SORL1: variants seen among roughly 807,000 people sequenced by gnomAD.
The protein encoded by SORL1 is sortilin-related receptor.
SORL1 carries 127 observed loss-of-function variants against 273.7 expected under a neutral mutation model. That is an observed-to-expected ratio of 0.46 (90% CI 0.40 to 0.54). SORL1 has a LOEUF of 0.54. Ranked by LOEUF, SORL1 falls within the 20% of genes least tolerant of loss-of-function variation. The pLI, the probability that SORL1 is intolerant of heterozygous loss-of-function variation, is 0.00. For missense variants in SORL1, 2,494 were observed against 2,846.1 expected (o/e 0.88, Z 2.81); for synonymous variants, 1,031 against 1,067.4 (o/e 0.97, Z 0.66).
At chr11:121,544,070 G>T (rs4935776) in intron 13 of SORL1, among the ~76,000 whole-genome samples, 1 of 152,020 alleles carries the variant, frequency 6.6e-6, no homozygotes, top group African/African-American at 2.4e-5. Flanking sequence ...GTGCCTGACT[G>T]TCTGTAAGTC....
chr11:121,604,366 G>T, intron 33 of SORL1, 42 bp downstream of exon 33: 1 of 1,603,780 alleles, frequency 6.2e-7, no homozygotes. Context: ...GGGCTGGGCT[G>T]GGAGGCTCGC....
At chr11:121,579,353 C>T (rs1345426231) in intron 25 of SORL1, among the ~76,000 whole-genome samples, 1 of 152,174 alleles carries the variant, frequency 6.6e-6, no homozygotes, top group Admixed American at 6.5e-5. Context: ...TTCAGACCTA[C>T]TAAATTAAGC....
At position 121,605,018 on chromosome 11, in the gene SORL1, G is replaced by T. The variant is rs143607078; in HGVS notation, c.4652-95G>T. 3.7e-5 allele frequency: 38 copies of T among 1,034,582 alleles called. No individual in the cohort carries two copies. The East Asian group carries it at 8.7e-4, about 24-fold the overall frequency. The allele number at this position is 1,034,582 out of a possible 1,614,324, so 64.1% of individuals were successfully genotyped here. Reference sequence around the variant, plus strand: ...ACTCCTGAGCTCAGGCAATTTGCCCGCCTCGGCCTCCCAAAGTGCTAGGAT... The same window carrying T: ...ACTCCTGAGCTCAGGCAATTTGCCCTCCTCGGCCTCCCAAAGTGCTAGGAT... On this transcript the variant is annotated intron_variant, in intron 33 of 47. Coordinates refer to ENST00000260197, the MANE Select transcript of SORL1 (RefSeq NM_003105.6).
chr11:121,468,633 C>T (rs369290119), intron 1 of SORL1, among the ~76,000 whole-genome samples: 22 of 152,260 alleles, frequency 1.4e-4, no homozygotes, highest in Non-Finnish European at 2.1e-4. Flanking sequence ...ATTGGCCAGG[C>T]GGGTCTTGAA....
chr11:121,509,440 T>A (rs542811411), intron 6 of SORL1, among the ~76,000 whole-genome samples: 223 of 152,328 alleles, frequency 1.5e-3, no homozygotes, highest in Admixed American at 3.5e-3. Flanking sequence ...AAATGGAAAT[T>A]CAGGTTATTC....
At chr11:121,488,941 A>G (rs553465925) in intron 4 of SORL1, among the ~76,000 whole-genome samples, 1 of 152,174 alleles carries the variant, frequency 6.6e-6, no homozygotes, top group East Asian at 1.9e-4. Context: ...TGCCTTAGGG[A>G]GTAACCTAAG....
At chr11:121,585,231 C>A (rs1863076896) in intron 26 of SORL1, among the ~76,000 whole-genome samples, 1 of 152,126 alleles carries the variant, frequency 6.6e-6, no homozygotes, top group Admixed American at 6.5e-5. Flanking sequence ...CGCCTGTAAT[C>A]CCAGCACTTT....
At chr11:121,625,330 A>T in intron 46 of SORL1, 53 bp downstream of exon 46, 6 of 1,397,164 alleles carry the variant, frequency 4.3e-6, no homozygotes, top group Non-Finnish European at 6.0e-6. Context: ...AAATAGCAAG[A>T]ATGTCATATG....
At chr11:121,608,043 A>G (rs972270066) in intron 37 of SORL1, 61 bp from the exon 38 acceptor site, 31 of 1,442,058 alleles carry the variant, frequency 2.1e-5, no homozygotes, top group Non-Finnish European at 2.4e-5. Flanking sequence ...CAGTATTCTT[A>G]CTGTATGGTG....
intron 21 of SORL1, among the ~76,000 whole-genome samples, chr11:121,562,171 G>A (rs1188697761): frequency 2.0e-5 from 3 of 152,108 alleles, no homozygotes; most frequent in Non-Finnish European, 4.4e-5. Flanking sequence ...CAGTAGGGGT[G>A]GATGTCCTCC....
intron 18 of SORL1, 188 bp from the exon 19 acceptor site, chr11:121,557,126 G>T (rs1415016616): frequency 3.3e-6 from 2 of 597,068 alleles, no homozygotes; most frequent in Non-Finnish European, 6.0e-6. Flanking sequence ...ATTGTCCCAT[G>T]AGTCAGAGGA....
chr11:121,572,010 G>A (rs1003898319), intron 23 of SORL1, among the ~76,000 whole-genome samples: 2 of 152,234 alleles, frequency 1.3e-5, no homozygotes, highest in Non-Finnish European at 2.9e-5. Context: ...ATGGAAAGGA[G>A]TTTATTACAT....
At chr11:121,477,632 A>C (rs1385075460) in intron 2 of SORL1, among the ~76,000 whole-genome samples, 2 of 152,232 alleles carry the variant, frequency 1.3e-5, no homozygotes, top group African/African-American at 4.8e-5. Context: ...GGACAGACAT[A>C]GAGGTGCCCT....
intron 1 of SORL1, among the ~76,000 whole-genome samples, chr11:121,453,262 A>G (rs1481280125): frequency 1.3e-5 from 2 of 152,164 alleles, no homozygotes; most frequent in Admixed American, 1.3e-4. Context: ...AATACCCCTC[A>G]TGGCACTTGG....
At chr11:121,605,688 G>A in intron 35 of SORL1, 117 bp downstream of exon 35, 1 of 797,510 alleles carries the variant, frequency 1.3e-6, no homozygotes, top group Non-Finnish European at 2.1e-6. Context: ...ATGTACAGAA[G>A]TATGGTGGCT....
chr11:121,627,781 G>C lies in SORL1; in HGVS notation c.6577+14G>C, dbSNP rs745562731. The stretch of plus-strand genomic sequence containing the variant: ...GGGATGACCTGGGTAAGTGGGGCAG[G>C]GAGAGTCGGTTCTTCCTCCCAGGGC... On this transcript the variant is annotated intron_variant, in intron 47 of 47. Transcript: ENST00000260197. This position sits in a 1 kb window ranked among gnomAD's most constrained non-coding sequence, Gnocchi z 4.9. 1 of 1,601,646 alleles carries C rather than the reference G, an allele frequency of 6.2e-7. No individual in the cohort carries two copies. Among genetic ancestry groups the C allele is most frequent in the Non-Finnish European group, 8.5e-7 (1 of 1,171,002 alleles).
intron 32 of SORL1, among the ~76,000 whole-genome samples, chr11:121,599,852 C>T (rs1185982782): frequency 4.6e-5 from 7 of 151,748 alleles, no homozygotes; most frequent in South Asian, 2.1e-4. Context: ...CTCTTTCTGT[C>T]GCCTTATGCC....
chr11:121,481,442 C>T (rs1466608463), intron 3 of SORL1, among the ~76,000 whole-genome samples: 3 of 119,020 alleles, frequency 2.5e-5, no homozygotes, highest in Admixed American at 7.9e-5. Flanking sequence ...TGCACAGATA[C>T]CTATAGGCAG....
At chr11:121,561,905 A>G (rs931197408) in intron 21 of SORL1, among the ~76,000 whole-genome samples, 2 of 152,198 alleles carry the variant, frequency 1.3e-5, no homozygotes, top group Middle Eastern at 3.4e-3. Flanking sequence ...AGGGCTGGAG[A>G]AAGACGTTTT....
Sources: gnomAD v4.1 joint callset for allele counts (sites outside exome capture counted in the v4.1 genomes callset) on GRCh38, gnomAD v4.1.1 for gene constraint, Gnocchi (gnomAD v3.1) non-coding constraint, MANE v1.5 for transcripts, NCBI Gene and HGNC (gene_info 2026-07-23, HGNC 2026-07-21) for gene names.